The following TOM1L2 variants were observed in gnomAD, a reference collection of about 807,000 sequenced individuals.
TOM1L2 encodes the protein target of myb1 like 2 membrane trafficking protein.
In TOM1L2, 31 loss-of-function variants were observed where a neutral mutation model predicts 67.9. The observed-to-expected ratio is 0.46, with a 90% CI of 0.34 to 0.62. The LOEUF (loss-of-function observed/expected upper bound fraction) is 0.62, where lower values mean the gene tolerates loss of function less well. Among genes scored for constraint, TOM1L2 ranks in the 20% least tolerant of loss-of-function variants. The pLI, the probability that TOM1L2 is intolerant of heterozygous loss-of-function variation, is 0.01. For missense variants in TOM1L2, 606 were observed against 663.5 expected (o/e 0.91, Z 0.95); for synonymous variants, 256 against 254.0 (o/e 1.01, Z -0.07).
chr17:17,877,243 T>C (rs2037470868), intron 7 of TOM1L2, among the ~76,000 whole-genome samples: 1 of 152,220 alleles, frequency 6.6e-6, no homozygotes, highest in South Asian at 2.1e-4. Context: ...CCCACAGTTA[T>C]GATCATCCTA....
intron 1 of TOM1L2, among the ~76,000 whole-genome samples, chr17:17,921,285 AAAC>A (rs1457341161): frequency 6.6e-6 from 1 of 152,180 alleles, no homozygotes. Flanking sequence ...CAGGCCAGCC[AAAC>A]AACAGAGAAA....
At chr17:17,853,729 G>C (rs996200171) in intron 12 of TOM1L2, among the ~76,000 whole-genome samples, 3 of 152,226 alleles carry the variant, frequency 2.0e-5, no homozygotes, top group Non-Finnish European at 2.9e-5. Flanking sequence ...GGCAGGACCT[G>C]GGGTGAGTCG....
chr17:17,898,722 G>A (rs1568206244), intron 2 of TOM1L2, 48 bp from the exon 3 acceptor site: 1 of 1,588,518 alleles, frequency 6.3e-7, no homozygotes, highest in Non-Finnish European at 8.6e-7. Flanking sequence ...CCCACTTGAG[G>A]ACACGATCCT....
chr17:17,905,400 A>C (rs1216713368), intron 2 of TOM1L2, among the ~76,000 whole-genome samples: 2 of 152,124 alleles, frequency 1.3e-5, no homozygotes, highest in Non-Finnish European at 2.9e-5. Context: ...CAAACCTTGC[A>C]ATTTCCCTTA....
At chr17:17,853,242 A>C (rs768213281) in intron 12 of TOM1L2, among the ~76,000 whole-genome samples, 1 of 152,244 alleles carries the variant, frequency 6.6e-6, no homozygotes, top group South Asian at 2.1e-4. Flanking sequence ...CCAGAGAGAA[A>C]ATAGTCCCAC....
chr17:17,860,464 G>A (rs925403033), intron 12 of TOM1L2, among the ~76,000 whole-genome samples: 4 of 152,222 alleles, frequency 2.6e-5, no homozygotes, highest in Admixed American at 6.5e-5. Flanking sequence ...ATGAGGGAGT[G>A]AGTCCCTTCC....
At chr17:17,855,034 G>A (rs980797853) in intron 12 of TOM1L2, among the ~76,000 whole-genome samples, 4 of 152,216 alleles carry the variant, frequency 2.6e-5, no homozygotes, top group Admixed American at 2.0e-4. Context: ...AAGATAGGTA[G>A]GCCAGGCTGG....
intron 1 of TOM1L2, among the ~76,000 whole-genome samples, chr17:17,968,522 C>T (rs1048590460): frequency 1.3e-5 from 2 of 151,972 alleles, no homozygotes; most frequent in African/African-American, 4.8e-5. Context: ...AAAATTAGCC[C>T]GGCACGGTGC....
At chr17:17,953,202 C>T (rs922834820) in intron 1 of TOM1L2, among the ~76,000 whole-genome samples, 1 of 152,162 alleles carries the variant, frequency 6.6e-6, no homozygotes, top group Non-Finnish European at 1.5e-5. Flanking sequence ...ACTGCTTGAA[C>T]TGGGGAGGCA....
intron 12 of TOM1L2, among the ~76,000 whole-genome samples, chr17:17,853,019 A>C (rs571092897): frequency 3.5e-4 from 53 of 152,200 alleles, no homozygotes; most frequent in Admixed American, 1.7e-3. Context: ...ACAATGCCTA[A>C]GGCTGGCACT....
At chr17:17,906,882 T>A (rs910268606) in intron 2 of TOM1L2, among the ~76,000 whole-genome samples, 15 of 152,140 alleles carry the variant, frequency 9.9e-5, no homozygotes, top group Non-Finnish European at 2.2e-4. Context: ...TTGGAAGAAG[T>A]ACAAATAGAG....
rs1193121320 is a variant in TOM1L2, at chr17:17,925,682, CAAAAAAA to C, written c.53-18158_53-18152del. Among the ~76,000 whole-genome samples, 164 of 79,712 alleles carry C rather than the reference CAAAAAAA, an allele frequency of 2.1e-3. 1 individual carries two copies. Among genetic ancestry groups the C allele is most frequent in the African/African-American group, 5.8e-3 (114 of 19,718 alleles). 52.3% of individuals were successfully genotyped at this position (79,712 alleles called of 152,430 possible). On this transcript the variant is annotated intron_variant, in intron 1 of 14. Coordinates refer to ENST00000379504, the MANE Select transcript of TOM1L2 (RefSeq NM_001082968.2). ...CATAGCGACCTCACCTCGTGTCTAC[CAAAAAAA>C]AAAAAAAAAAAAAAAATTAGCCAGA...
intron 1 of TOM1L2, among the ~76,000 whole-genome samples, chr17:17,927,246 A>G (rs1169574013): frequency 6.6e-6 from 1 of 152,194 alleles, no homozygotes; most frequent in Non-Finnish European, 1.5e-5. Flanking sequence ...GCCCGACATT[A>G]TTTTCAGCAC....
intron 13 of TOM1L2, chr17:17,849,060 A>G: frequency 1.8e-6 from 1 of 562,966 alleles, no homozygotes; most frequent in Admixed American, 3.4e-5. Flanking sequence ...TTTGTTTTTA[A>G]AAAACAAAAG....
chr17:17,866,918 T>C lies in TOM1L2; in HGVS notation c.918A>G (p.Glu306=), dbSNP rs773951419. ...GAACGGATCGGCCAGACCTGTATCGTTCGAACCTAACAGGGGAAGGGAAAG... is the reference window on the plus strand; with the variant it reads ...GAACGGATCGGCCAGACCTGTATCGCTCGAACCTAACAGGGGAAGGGAAAG... The part of the protein sequence containing the change: ...NNVFLRYERF[E]RYRSGRSVQN... Residue 306 remains glutamate, a synonymous_variant, in exon 9 of 15, where the codon GAA becomes GAG. Coordinates refer to ENST00000379504, the MANE Select transcript of TOM1L2 (RefSeq NM_001082968.2). The C allele has an allele frequency of 1.2e-6, 2 of 1,613,884 alleles. No individual in the cohort carries two copies. The highest frequency in any genetic ancestry group is 3.3e-5 in the Admixed American group (2 of 60,012).
intron 7 of TOM1L2, among the ~76,000 whole-genome samples, chr17:17,875,269 GA>G (rs34681423): frequency 0.51 from 64,330 of 126,556 alleles, 15,962 homozygotes; most frequent in Non-Finnish European, 0.63. Flanking sequence ...AAGAAAAAAA[GA>G]AAAAAAAAAA....
chr17:17,847,416 G>A lies in TOM1L2; in HGVS notation c.*219C>T. ...GGCAGAGGGGCCCATGGTGGGAGGGGAGAGAGTCTCTGGCTGCAGTTGTCC... is the reference window on the plus strand; with the variant it reads ...GGCAGAGGGGCCCATGGTGGGAGGGAAGAGAGTCTCTGGCTGCAGTTGTCC... On this transcript the variant is annotated 3_prime_UTR_variant, in exon 15 of 15. Coordinates refer to ENST00000379504, the MANE Select transcript of TOM1L2 (RefSeq NM_001082968.2). 1.6e-6 allele frequency: 1 copy of A among 611,974 alleles called. No individual in the cohort carries two copies. The highest frequency in any genetic ancestry group is 2.8e-6 in the Non-Finnish European group (1 of 360,558). 37.9% of individuals were successfully genotyped at this position (611,974 alleles called of 1,614,324 possible).
At position 17,907,612 on chromosome 17, in the gene TOM1L2, C is replaced by T. The variant is rs2039157216; in HGVS notation, c.53-81G>A. On this transcript the variant is annotated intron_variant, in intron 1 of 14. Coordinates refer to ENST00000379504, the MANE Select transcript of TOM1L2 (RefSeq NM_001082968.2). Reference sequence around the variant, plus strand: ...GCAGGAAATGGGAAGAGACCAGAACCACCACATTCTTCTCCCAAGCAGATG... The same window carrying T: ...GCAGGAAATGGGAAGAGACCAGAACTACCACATTCTTCTCCCAAGCAGATG... The T allele has an allele frequency of 4.9e-6, 6 of 1,236,930 alleles. No homozygotes were observed. In the East Asian group the frequency reaches 1.4e-4, roughly 30 times the overall value. 76.6% of individuals were successfully genotyped at this position (1,236,930 alleles called of 1,614,324 possible).
chr17:17,906,335 C>T (rs1200022366), intron 2 of TOM1L2, among the ~76,000 whole-genome samples: 2 of 151,950 alleles, frequency 1.3e-5, no homozygotes, highest in Admixed American at 6.6e-5. Context: ...AACCGTGTTG[C>T]CCAGGCTGGT....
Sources: allele counts gnomAD v4.1 joint callset (sites outside exome capture counted in the v4.1 genomes callset), GRCh38; gene constraint gnomAD v4.1.1; transcripts MANE v1.5; gene names NCBI Gene and HGNC (gene_info 2026-07-23, HGNC 2026-07-21).